RGS8: variants seen among roughly 807,000 people sequenced by gnomAD.
RGS8 encodes the protein regulator of G-protein signaling 8.
A neutral mutation model predicts 21.7 loss-of-function variants in RGS8; 8 were observed. The ratio of observed to expected loss-of-function variants is 0.37; its 90% CI spans 0.22 to 0.66. RGS8 has a LOEUF of 0.66. Among genes scored for constraint, RGS8 ranks in the 30% least tolerant of loss-of-function variants. The probability of loss-of-function intolerance (pLI) is 0.59; values close to 1 mark genes in which losing one functional copy is unlikely to be tolerated. For synonymous variants in RGS8, 80 were observed against 83.6 expected (o/e 0.96, Z 0.24); for missense variants, 157 against 217.9 (o/e 0.72, Z 1.76).
chr1:182,706,624 G>A, the RGS8 span, among the ~76,000 whole-genome samples: 34 of 151,812 alleles, frequency 2.2e-4, no homozygotes, highest in African/African-American at 7.5e-4. Flanking sequence ...GTGCCACCAC[G>A]CCTGGCTAAT....
At chr1:182,685,561 C>A (rs1406777715), upstream of RGS8, among the ~76,000 whole-genome samples, 3 of 152,218 alleles carry the variant, frequency 2.0e-5, no homozygotes, top group African/African-American at 7.2e-5. Flanking sequence ...GAACTCTCCA[C>A]AAACACAGCT....
chr1:182,646,818 T>C, exon 7 of RGS8: 2 of 1,613,184 alleles, frequency 1.2e-6, no homozygotes, highest in South Asian at 1.1e-5. Flanking sequence ...TCTTTCTCCA[T>C]GAGGCTGTGT....
the RGS8 span, among the ~76,000 whole-genome samples, chr1:182,746,013 C>T: frequency 3.9e-5 from 6 of 152,190 alleles, no homozygotes; most frequent in African/African-American, 1.2e-4. Flanking sequence ...CCAAGTTCTG[C>T]CCTCTAGGGT....
chr1:182,706,924 A>G, the RGS8 span, among the ~76,000 whole-genome samples: 2 of 152,204 alleles, frequency 1.3e-5, no homozygotes, highest in South Asian at 2.1e-4. Context: ...TTAGGAGGCC[A>G]AGGCAGGCAG....
chr1:182,679,208 C>T (rs536567019), intron 1 of RGS8, among the ~76,000 whole-genome samples: 10 of 152,176 alleles, frequency 6.6e-5, no homozygotes, highest in South Asian at 4.1e-4. Context: ...ATCAGCAAAA[C>T]TGCTTGAAAG....
At chr1:182,722,213 A>T in the RGS8 span, among the ~76,000 whole-genome samples, 1 of 139,010 alleles carries the variant, frequency 7.2e-6, no homozygotes, top group African/African-American at 2.8e-5. Context: ...CTGAAGAAAC[A>T]AGTGTTTTTT....
At chr1:182,751,979 G>T in the RGS8 span, among the ~76,000 whole-genome samples, 1 of 152,078 alleles carries the variant, frequency 6.6e-6, no homozygotes, top group Non-Finnish European at 1.5e-5. Context: ...CACAGGCGCC[G>T]CGGTTCCTAT....
intron 5 of RGS8, among the ~76,000 whole-genome samples, chr1:182,654,196 A>C (rs778682958): frequency 6.6e-6 from 1 of 152,234 alleles, no homozygotes; most frequent in Admixed American, 6.5e-5. Flanking sequence ...AGCCAGGTCC[A>C]TATGACTCCA....
chr1:182,742,391 T>C, the RGS8 span, among the ~76,000 whole-genome samples: 1 of 151,880 alleles, frequency 6.6e-6, no homozygotes, highest in Non-Finnish European at 1.5e-5. Flanking sequence ...GGCAGGCGGC[T>C]GGGAGGTGGA....
upstream of RGS8, among the ~76,000 whole-genome samples, chr1:182,674,794 A>G (rs1004056864): frequency 1.3e-5 from 2 of 152,112 alleles, no homozygotes; most frequent in African/African-American, 4.8e-5. Context: ...TTTTCCAGCT[A>G]CTGCTCCTGA....
At chr1:182,646,890 C>T in exon 7 of RGS8, 1 of 1,614,000 alleles carries the variant, frequency 6.2e-7, no homozygotes, top group Non-Finnish European at 8.5e-7. Flanking sequence ...TTCCTCGTGG[C>T]TTCTCGGGTC....
At chr1:182,679,848 A>C (rs1055145335) in intron 1 of RGS8, among the ~76,000 whole-genome samples, 1 of 152,018 alleles carries the variant, frequency 6.6e-6, no homozygotes, top group Admixed American at 6.6e-5. Context: ...ACACACACAT[A>C]TAAACCTTGG....
At chr1:182,746,324 C>T in the RGS8 span, among the ~76,000 whole-genome samples, 1 of 152,146 alleles carries the variant, frequency 6.6e-6, no homozygotes, top group Admixed American at 6.5e-5. Flanking sequence ...GTTAAAATAA[C>T]TTCTTAGATG....
chr1:182,720,914 TATATACATATATAC>T, the RGS8 span, among the ~76,000 whole-genome samples: 2 of 46,896 alleles, frequency 4.3e-5, no homozygotes, highest in African/African-American at 1.3e-4. Context: ...TATGTGTGTG[TATATACATATATAC>T]ATATATACAT....
the RGS8 span, among the ~76,000 whole-genome samples, chr1:182,696,001 C>T: frequency 6.6e-6 from 1 of 152,174 alleles, no homozygotes; most frequent in African/African-American, 2.4e-5. Flanking sequence ...ACATCTAAAC[C>T]TTCTGCTGGG....
chr1:182,648,918 T>C (rs182600844), intron 5 of RGS8, among the ~76,000 whole-genome samples: 40 of 152,112 alleles, frequency 2.6e-4, no homozygotes, highest in Admixed American at 6.5e-4. Context: ...CTGGCCAACA[T>C]GGCAAAACGT....
At chr1:182,671,182 C>T (rs1372309054) in intron 2 of RGS8, among the ~76,000 whole-genome samples, 8 of 152,184 alleles carry the variant, frequency 5.3e-5, no homozygotes, top group South Asian at 4.1e-4. Flanking sequence ...TCAAATCCAG[C>T]GCTGCCCAAA....
At chr1:182,728,886 T>A in the RGS8 span, among the ~76,000 whole-genome samples, 1 of 152,228 alleles carries the variant, frequency 6.6e-6, no homozygotes, top group East Asian at 1.9e-4. Flanking sequence ...TGCTAATGCA[T>A]GCTGGGCTTA....
the RGS8 span, among the ~76,000 whole-genome samples, chr1:182,690,052 C>G: frequency 6.6e-6 from 1 of 152,126 alleles, no homozygotes; most frequent in African/African-American, 2.4e-5. Context: ...AGGACAAATC[C>G]CAGCTCAGCC....
Sources: allele counts gnomAD v4.1 joint callset (sites outside exome capture counted in the v4.1 genomes callset), GRCh38; gene constraint gnomAD v4.1.1; transcripts MANE v1.5; gene names NCBI Gene and HGNC (gene_info 2026-07-23, HGNC 2026-07-21).